C2CD4D: variants seen among roughly 807,000 people sequenced by gnomAD.
C2CD4D encodes the protein C2 calcium-dependent domain-containing protein 4D.
C2CD4D carries 1 observed loss-of-function variant against 0.2 expected under a neutral mutation model. The ratio of observed to expected loss-of-function variants is 4.00; its 90% CI spans 1.42 to 18.99. The LOEUF (loss-of-function observed/expected upper bound fraction) is 18.99. Among genes scored for constraint, C2CD4D ranks in the 30% most tolerant of loss-of-function variants. The pLI, the probability that C2CD4D is intolerant of heterozygous loss-of-function variation, is 0.11. For synonymous variants in C2CD4D, 269 were observed against 279.8 expected (o/e 0.96, Z 0.39); for missense variants, 552 against 551.2 (o/e 1.00, Z -0.01).
chr1:151,838,904 C>T (rs1023886637), exon 2 of C2CD4D: 1 of 1,547,460 alleles, frequency 6.5e-7, no homozygotes, highest in South Asian at 1.2e-5. Context: ...CGGGGCGCGA[C>T]GCTTGGAGAA....
exon 2 of C2CD4D, chr1:151,838,866 C>T: frequency 6.5e-7 from 1 of 1,539,866 alleles, no homozygotes; most frequent in East Asian, 2.5e-5. Context: ...GGGGTGAGGA[C>T]GTTGGGGCAG....
exon 2 of C2CD4D, chr1:151,838,685 C>A: frequency 7.3e-7 from 1 of 1,373,436 alleles, no homozygotes; most frequent in Non-Finnish European, 9.4e-7. Context: ...GGATTCCCGC[C>A]GGCGCGTGTG....
At chr1:151,838,867 G>A (rs763094959) in exon 2 of C2CD4D, 1 of 1,540,528 alleles carries the variant, frequency 6.5e-7, no homozygotes, top group South Asian at 1.2e-5. Flanking sequence ...GGGTGAGGAC[G>A]TTGGGGCAGG....
chr1:151,837,830 G>A (rs1465843686), exon 2 of C2CD4D: 2 of 1,437,526 alleles, frequency 1.4e-6, no homozygotes, highest in African/African-American at 1.4e-5. Context: ...AGGACAAGGG[G>A]ACATTTTATT....
At chr1:151,838,326 G>A in exon 2 of C2CD4D, 2 of 1,410,646 alleles carry the variant, frequency 1.4e-6, no homozygotes, top group South Asian at 3.1e-5. Flanking sequence ...GTGGAGAGCC[G>A]CAGCTGCCCG....
At chr1:151,838,358 A>C in exon 2 of C2CD4D, 1 of 1,430,016 alleles carries the variant, frequency 7.0e-7, no homozygotes. Context: ...CAGGCGCAGC[A>C]CGCTCTCGCG....
At chr1:151,839,059 A>G (rs1235512904) in exon 2 of C2CD4D, 5 of 1,504,112 alleles carry the variant, frequency 3.3e-6, no homozygotes, top group Non-Finnish European at 4.5e-6. Context: ...CTCAGATGGG[A>G]GTGCTCGGCG....
chr1:151,838,506 G>C, exon 2 of C2CD4D: 3 of 1,375,204 alleles, frequency 2.2e-6, no homozygotes, highest in Non-Finnish European at 2.8e-6. Context: ...CTGGACACCC[G>C]GCGCCGGCCC....
Position 151,838,958 on chromosome 1 carries a change from A to G in C2CD4D, c.32T>C (p.Val11Ala), listed in dbSNP as rs183029853. 15 of 1,550,118 alleles carry G rather than the reference A, an allele frequency of 9.7e-6. No individual in the cohort carries two copies. In the African/African-American group the frequency reaches 1.9e-4, roughly 20 times the overall value. ...ACGGGCCGCAGGCTCCGCGGCCCCCACCTTATAGCCAGCTTTTTCCAAGAG... is the reference window on the plus strand; with the variant it reads ...ACGGGCCGCAGGCTCCGCGGCCCCCGCCTTATAGCCAGCTTTTTCCAAGAG... The change falls in exon 2 of 2, where the codon GTG (valine) becomes GCG (alanine). Residue 11 changes from valine (V) to alanine (A), a missense_variant. Val to Ala is a moderately conservative substitution (Grantham distance 64, BLOSUM62 0). Transcript: ENST00000454109.
At position 151,837,959 on chromosome 1, in the gene C2CD4D, G is replaced by T. The variant is rs1452019528; in HGVS notation, c.1031C>A (p.Ser344Ter). 1.3e-6 allele frequency: 2 copies of T among 1,544,572 alleles called. No individual in the cohort carries two copies. The highest frequency in any genetic ancestry group is 1.2e-5 in the South Asian group (1 of 83,468). ...GCTGAGATGGGTGGGCGCCAGGGAT[G>T]ACCCGGGACCTAGTCCCCCACCCAG... The change falls in exon 2 of 2, where the codon TCA (serine) becomes TAA (stop). Residue 344 changes from serine to a stop codon, truncating the protein, a stop_gained. Coordinates refer to ENST00000454109, the Ensembl canonical transcript of C2CD4D. LOFTEE classifies it high-confidence loss of function.
chr1:151,838,638 GT>G lies in C2CD4D; in HGVS notation c.351del (p.Leu118SerfsTer121), dbSNP rs1252112557. 1 of 1,325,602 alleles carries G rather than the reference GT, an allele frequency of 7.5e-7. No homozygotes were observed. The highest frequency in any genetic ancestry group is 9.6e-7 in the Non-Finnish European group (1 of 1,042,702). 82.1% of individuals were successfully genotyped at this position (1,325,602 alleles called of 1,614,324 possible). On this transcript the variant is annotated frameshift_variant, in exon 2 of 2. Coordinates refer to ENST00000454109, the Ensembl canonical transcript of C2CD4D. LOFTEE classifies it low-confidence loss of function (END_TRUNC). ...TGCAGCCGGGACTGCGCCGCGGGGAGTCCCCCGGCCGGGGCAGGTGGCGGCC... is the reference window on the plus strand; with the variant it reads ...TGCAGCCGGGACTGCGCCGCGGGGAGCCCCCGGCCGGGGCAGGTGGCGGCC...
exon 2 of C2CD4D, chr1:151,837,922 C>T (rs1652621590): frequency 2.0e-6 from 3 of 1,514,298 alleles, no homozygotes; most frequent in African/African-American, 2.8e-5. Context: ...AAGCCAGGGG[C>T]TCAGGCTACA....
chr1:151,839,099 G>T, exon 2 of C2CD4D: 1 of 1,274,584 alleles, frequency 7.8e-7, no homozygotes, highest in Non-Finnish European at 1.1e-6. Flanking sequence ...GCGCAGAGGA[G>T]TCAGAGGTGA....
intron 1 of C2CD4D, among the ~76,000 whole-genome samples, 84 bp from the exon 1 acceptor site, chr1:151,839,904 A>G (rs976014225): frequency 6.6e-6 from 1 of 152,050 alleles, no homozygotes; most frequent in African/African-American, 2.4e-5. Flanking sequence ...CAAAGGCAGC[A>G]TTGATTCTCC....
Position 151,838,586 on chromosome 1 carries a change from CAGAGGCGCAGGTCCGGG to C in C2CD4D, c.387_403del (p.Asp131GlyfsTer220), listed in dbSNP as rs1313719443. The stretch of plus-strand genomic sequence containing the variant: ...GGCCGTGTCGCTGTCGGGGGCCCGG[CAGAGGCGCAGGTCCGGG>C]GCGGAGACGTGCAGCCGGGACTGCG... On this transcript the variant is annotated frameshift_variant, in exon 2 of 2. Transcript: ENST00000454109. LOFTEE classifies it low-confidence loss of function (END_TRUNC). The C allele has an allele frequency of 2.3e-6, 3 of 1,315,774 alleles. No individual in the cohort carries two copies. Among genetic ancestry groups the C allele is most frequent in the Non-Finnish European group, 2.9e-6 (3 of 1,037,508 alleles). 81.5% of individuals were successfully genotyped at this position (1,315,774 alleles called of 1,614,324 possible).
exon 2 of C2CD4D, chr1:151,838,878 C>A: frequency 4.5e-6 from 7 of 1,542,102 alleles, no homozygotes; most frequent in African/African-American, 1.4e-5. Context: ...TTGGGGCAGG[C>A]GCTTGTGGGC....
exon 1 of C2CD4D, chr1:151,840,242 T>G (rs1652748587): frequency 6.6e-6 from 1 of 152,412 alleles, no homozygotes; most frequent in Non-Finnish European, 1.5e-5. Flanking sequence ...TGCGCGGCCA[T>G]CAGCCCGGTC....
chr1:151,838,525 C>T, exon 2 of C2CD4D: 1 of 1,345,086 alleles, frequency 7.4e-7, no homozygotes, highest in Non-Finnish European at 9.5e-7. Flanking sequence ...CCAGGCCTGG[C>T]CGCGGGGAGC....
exon 2 of C2CD4D, chr1:151,838,578 G>A: frequency 1.5e-6 from 2 of 1,316,690 alleles, no homozygotes; most frequent in Non-Finnish European, 1.9e-6. Flanking sequence ...TCGCTGTCGG[G>A]GGCCCGGCAG....
Sources: gnomAD v4.1 joint callset for allele counts (sites outside exome capture counted in the v4.1 genomes callset) on GRCh38, gnomAD v4.1.1 for gene constraint, MANE v1.5 for transcripts, NCBI Gene and HGNC (gene_info 2026-07-23, HGNC 2026-07-21) for gene names.